DACH2: variants seen among roughly 807,000 people sequenced by gnomAD.
The protein encoded by DACH2 is dachshund homolog 2.
DACH2 carries 17 observed loss-of-function variants against 35.8 expected under a neutral mutation model. The observed-to-expected ratio is 0.48, with a 90% CI of 0.33 to 0.71. The LOEUF (loss-of-function observed/expected upper bound fraction) is 0.71. Ranked by LOEUF, DACH2 falls within the 30% of genes least tolerant of loss-of-function variation. DACH2 has a pLI of 0.02. For synonymous variants in DACH2, 195 were observed against 177.3 expected (o/e 1.10, Z -0.79); for missense variants, 469 against 472.7 (o/e 0.99, Z 0.07).
intron 3 of DACH2, among the ~76,000 whole-genome samples, chrX:86,643,582 G>C (rs1040695903): frequency 2.7e-5 from 3 of 111,228 alleles, no homozygotes; most frequent in African/African-American, 9.8e-5. Context: ...AACAACTGAA[G>C]AGGAGGGACT....
chrX:86,333,886 C>T (rs754456929), intron 1 of DACH2, among the ~76,000 whole-genome samples: 2 of 111,249 alleles, frequency 1.8e-5, no homozygotes, highest in African/African-American at 6.5e-5. Context: ...AGGTATTTCT[C>T]CTAATGCTAT....
intron 1 of DACH2, among the ~76,000 whole-genome samples, chrX:86,241,312 T>G (rs2033161565): frequency 8.9e-6 from 1 of 112,107 alleles, no homozygotes; most frequent in South Asian, 3.7e-4. Context: ...AGGTCATTCT[T>G]GCTATGCTGT....
At chrX:86,462,161 T>C (rs763486611) in intron 2 of DACH2, among the ~76,000 whole-genome samples, 1 of 111,619 alleles carries the variant, frequency 9.0e-6, no homozygotes, top group African/African-American at 3.2e-5. Context: ...TGCTATAAGA[T>C]ACAGAATAAA....
chrX:86,460,345 A>C (rs955160824), intron 2 of DACH2, among the ~76,000 whole-genome samples: 4 of 110,988 alleles, frequency 3.6e-5, no homozygotes, highest in African/African-American at 1.3e-4. Flanking sequence ...TATGTTTAGA[A>C]TATGTTTTCT....
intron 6 of DACH2, among the ~76,000 whole-genome samples, chrX:86,729,231 C>T (rs750309220): frequency 1.8e-5 from 2 of 112,054 alleles, no homozygotes; most frequent in East Asian, 2.8e-4. Context: ...AGATTATTTT[C>T]GAGCTTTAAG....
chrX:86,302,674 A>G (rs912108935), intron 1 of DACH2, among the ~76,000 whole-genome samples: 2 of 110,598 alleles, frequency 1.8e-5, no homozygotes, highest in Admixed American at 2.0e-4. Flanking sequence ...AGTAGTATAC[A>G]ATAGCTTTTA....
intron 2 of DACH2, among the ~76,000 whole-genome samples, chrX:86,407,477 A>G (rs1239084077): frequency 8.9e-6 from 1 of 112,359 alleles, no homozygotes; most frequent in East Asian, 2.8e-4. Flanking sequence ...TAGTACAGAC[A>G]AAAGCTTTGA....
At chrX:86,207,255 G>T (rs1666182196) in intron 1 of DACH2, among the ~76,000 whole-genome samples, 1 of 111,577 alleles carries the variant, frequency 9.0e-6, no homozygotes, top group African/African-American at 3.3e-5. Context: ...AAGAAGGGGA[G>T]ATATAGATTG....
chrX:86,613,800 A>T (rs984541166), intron 3 of DACH2, among the ~76,000 whole-genome samples: 7 of 111,790 alleles, frequency 6.3e-5, no homozygotes, highest in Non-Finnish European at 1.3e-4. Flanking sequence ...GATCTATGGC[A>T]TAAGTCAGTC....
intron 2 of DACH2, among the ~76,000 whole-genome samples, chrX:86,408,507 T>C (rs778516591): frequency 8.9e-5 from 10 of 112,132 alleles, no homozygotes; most frequent in Non-Finnish European, 1.9e-4. Context: ...CTTACGAGTA[T>C]TATTATTACA....
chrX:86,601,073 C>A (rs905432924), intron 3 of DACH2, among the ~76,000 whole-genome samples: 12 of 111,021 alleles, frequency 1.1e-4, no homozygotes, highest in Non-Finnish European at 2.3e-4. Context: ...ATTCACTTTT[C>A]TGCTCCCTGA....
At chrX:86,793,945 A>C (rs1423470564) in intron 7 of DACH2, among the ~76,000 whole-genome samples, 1 of 112,301 alleles carries the variant, frequency 8.9e-6, no homozygotes, top group African/African-American at 3.2e-5. Context: ...AATCTTTTTT[A>C]AATTTCAAAA....
At chrX:86,491,667 C>T (rs896745084) in intron 2 of DACH2, among the ~76,000 whole-genome samples, 3 of 111,407 alleles carry the variant, frequency 2.7e-5, no homozygotes, top group African/African-American at 9.8e-5. Flanking sequence ...ACATTTTGCA[C>T]GTGTTGTCTT....
intron 2 of DACH2, among the ~76,000 whole-genome samples, chrX:86,511,807 A>T (rs780498781): frequency 8.9e-6 from 1 of 111,847 alleles, no homozygotes. Context: ...AGTGAATAAG[A>T]CAATGGGATC....
At chrX:86,237,983 T>C (rs2033090303) in intron 1 of DACH2, among the ~76,000 whole-genome samples, 1 of 112,159 alleles carries the variant, frequency 8.9e-6, no homozygotes, top group Admixed American at 9.4e-5. Flanking sequence ...CTTATCTCGC[T>C]CAATGTGGTG....
chrX:86,609,905 A>G (rs986703146), intron 3 of DACH2, among the ~76,000 whole-genome samples: 2 of 111,684 alleles, frequency 1.8e-5, no homozygotes, highest in Non-Finnish European at 3.8e-5. Context: ...GTGCTGAATG[A>G]TAACTGAAGC....
chrX:86,505,136 G>A lies in DACH2; in HGVS notation c.528-9143G>A, dbSNP rs376678034. Among the ~76,000 whole-genome samples the A allele has an allele frequency of 3.6e-5, 4 of 111,439 alleles. No homozygotes were observed. The South Asian group carries it at 1.5e-3, about 42-fold the overall frequency. On this transcript the variant is annotated intron_variant, in intron 2 of 11. Transcript: ENST00000373125. ...CTAGTATTCAGGTGAGGAAAGTTTTGCAATATGTAAACTTCATGATGTATC... is the reference window on the plus strand; with the variant it reads ...CTAGTATTCAGGTGAGGAAAGTTTTACAATATGTAAACTTCATGATGTATC...
chrX:86,491,498 A>C (rs985314647), intron 2 of DACH2, among the ~76,000 whole-genome samples: 1 of 112,128 alleles, frequency 8.9e-6, no homozygotes, highest in African/African-American at 3.2e-5. Flanking sequence ...TATGGCCAAC[A>C]TAAATGTTTT....
intron 3 of DACH2, among the ~76,000 whole-genome samples, chrX:86,531,848 C>A (rs1455518672): frequency 8.9e-6 from 1 of 112,763 alleles, no homozygotes; most frequent in Non-Finnish European, 1.9e-5. Context: ...AAGCCGCAGG[C>A]ACTCAATGCC....
Sources: allele counts gnomAD v4.1 joint callset (sites outside exome capture counted in the v4.1 genomes callset), GRCh38; gene constraint gnomAD v4.1.1; transcripts MANE v1.5; gene names NCBI Gene and HGNC (gene_info 2026-07-23, HGNC 2026-07-21).